CTNNA2: variants seen among roughly 807,000 people sequenced by gnomAD.
CTNNA2 encodes the protein catenin alpha 2, also known as catenin alpha-2.
In CTNNA2, 42 loss-of-function variants were observed where a neutral mutation model predicts 101.0. That is an observed-to-expected ratio of 0.42 (90% CI 0.32 to 0.54). CTNNA2 has a LOEUF of 0.54. Ranked by LOEUF, CTNNA2 falls within the 20% of genes least tolerant of loss-of-function variation. The probability of loss-of-function intolerance (pLI) is 0.14; values close to 1 mark genes in which losing one functional copy is unlikely to be tolerated. For missense variants in CTNNA2, 871 were observed against 1,223.1 expected (o/e 0.71, Z 4.29); for synonymous variants, 450 against 456.4 (o/e 0.99, Z 0.18).
chr2:80,560,986 G>A (rs937013042), intron 12 of CTNNA2, among the ~76,000 whole-genome samples: 1 of 149,498 alleles, frequency 6.7e-6, no homozygotes, highest in African/African-American at 2.5e-5. Context: ...GCAGCCTCAG[G>A]TTTGCAGCTC....
intron 9 of CTNNA2, among the ~76,000 whole-genome samples, chr2:80,462,631 C>CTTTTTTTTTTTTTTTTT (rs753815778): frequency 4.7e-4 from 45 of 94,762 alleles, no homozygotes; most frequent in African/African-American, 6.9e-4. Flanking sequence ...TTCTTTCTTT[C>CTTTTTTTTTTTTTTTTT]TTTTTTTTTT....
At chr2:79,355,384 TG>T (rs1198415200) in intron 3 of CTNNA2, among the ~76,000 whole-genome samples, 1 of 152,212 alleles carries the variant, frequency 6.6e-6, no homozygotes, top group Non-Finnish European at 1.5e-5. Flanking sequence ...CATTTGTTTG[TG>T]TCATCTACAA....
At chr2:79,742,886 C>T (rs1671388999) in intron 2 of CTNNA2, among the ~76,000 whole-genome samples, 1 of 152,172 alleles carries the variant, frequency 6.6e-6, no homozygotes, top group Non-Finnish European at 1.5e-5. Context: ...GCACTAATCA[C>T]CTCTTAAGTA....
At chr2:80,479,646 G>A (rs1312264190) in intron 9 of CTNNA2, among the ~76,000 whole-genome samples, 1 of 152,040 alleles carries the variant, frequency 6.6e-6, no homozygotes, top group Non-Finnish European at 1.5e-5. Context: ...CAGATATGGA[G>A]GAAAGCTTTC....
intron 1 of CTNNA2, among the ~76,000 whole-genome samples, chr2:79,584,163 G>A (rs189464296): frequency 5.3e-5 from 8 of 152,232 alleles, no homozygotes; most frequent in Admixed American, 1.3e-4. Context: ...CTACAAAATA[G>A]TGATGCATTC....
intron 7 of CTNNA2, among the ~76,000 whole-genome samples, chr2:80,033,875 A>G (rs985881763): frequency 3.3e-5 from 5 of 151,496 alleles, no homozygotes; most frequent in African/African-American, 1.2e-4. Context: ...TTCAGTAAAA[A>G]TTGTAGCAGT....
At position 80,499,857 on chromosome 2, in the gene CTNNA2, T is replaced by C. The variant is rs78655065; in HGVS notation, c.1291-45125T>C. ...AAATAAGATTAGCAAAATGTTGATA[T>C]TGAAACTGCAAGATGGCTACATGGG... On this transcript the variant is annotated intron_variant, in intron 9 of 18. Coordinates refer to ENST00000402739, the MANE Select transcript of CTNNA2 (RefSeq NM_001282597.3). Among the ~76,000 whole-genome samples the C allele has an allele frequency of 3.7e-3, 570 of 152,036 alleles. 3 individuals carry two copies. Among genetic ancestry groups the C allele is most frequent in the African/African-American group, 0.013 (524 of 41,448 alleles).
At chr2:79,327,483 G>A (rs1452564286) in intron 3 of CTNNA2, among the ~76,000 whole-genome samples, 1 of 152,130 alleles carries the variant, frequency 6.6e-6, no homozygotes. Flanking sequence ...GTGAGACTAA[G>A]GCTATTGAAA....
At chr2:79,267,352 A>G (rs772981408) in intron 2 of CTNNA2, among the ~76,000 whole-genome samples, 6 of 151,574 alleles carry the variant, frequency 4.0e-5, no homozygotes, top group Non-Finnish European at 7.4e-5. Flanking sequence ...AGGACATGCT[A>G]TCTGGTTCAT....
intron 1 of CTNNA2, among the ~76,000 whole-genome samples, chr2:79,534,238 C>A (rs1317651813): frequency 1.3e-5 from 2 of 151,978 alleles, no homozygotes; most frequent in Non-Finnish European, 2.9e-5. Context: ...TTTATGGCTA[C>A]ATTTTATTAC....
intron 7 of CTNNA2, among the ~76,000 whole-genome samples, chr2:79,973,849 A>G (rs1275374105): frequency 3.3e-5 from 5 of 152,226 alleles, no homozygotes; most frequent in Admixed American, 6.5e-5. Flanking sequence ...TTGTGTCTTC[A>G]CAGAAGTACC....
intron 3 of CTNNA2, among the ~76,000 whole-genome samples, chr2:79,327,771 C>A (rs1297725465): frequency 2.6e-5 from 4 of 152,182 alleles, no homozygotes; most frequent in African/African-American, 9.7e-5. Context: ...TTTTCTCCTG[C>A]TAATATGTGC....
chr2:80,091,268 A>G lies in CTNNA2; in HGVS notation c.1056+181471A>G, dbSNP rs187856712. Among the ~76,000 whole-genome samples the G allele has an allele frequency of 3.7e-4, 56 of 152,208 alleles. No individual in the cohort carries two copies. In the East Asian group the frequency reaches 0.01, roughly 28 times the overall value. Reference sequence around the variant, plus strand: ...GAGCTACAATTTATCAATAGGACTCATTACTATTCGACTTGTTTTCTAGCC... The same window carrying G: ...GAGCTACAATTTATCAATAGGACTCGTTACTATTCGACTTGTTTTCTAGCC... On this transcript the variant is annotated intron_variant, in intron 7 of 18. Transcript: ENST00000402739.
At chr2:79,792,934 C>A (rs1262059364) in intron 3 of CTNNA2, among the ~76,000 whole-genome samples, 1 of 152,178 alleles carries the variant, frequency 6.6e-6, no homozygotes, top group Non-Finnish European at 1.5e-5. Context: ...ATTACATAAT[C>A]CAAATTCATT....
intron 1 of CTNNA2, among the ~76,000 whole-genome samples, chr2:79,576,239 T>C (rs1409371616): frequency 6.6e-6 from 1 of 152,212 alleles, no homozygotes; most frequent in Admixed American, 6.6e-5. Context: ...CTAGCTGTGT[T>C]TGCTCTGTTA....
At chr2:79,587,501 C>T (rs1377335123) in intron 1 of CTNNA2, among the ~76,000 whole-genome samples, 1 of 152,166 alleles carries the variant, frequency 6.6e-6, no homozygotes, top group African/African-American at 2.4e-5. Context: ...CCTTCCTCAT[C>T]CCTTTCCTGG....
At chr2:79,997,126 C>G (rs753739525) in intron 7 of CTNNA2, among the ~76,000 whole-genome samples, 1 of 152,126 alleles carries the variant, frequency 6.6e-6, no homozygotes, top group Non-Finnish European at 1.5e-5. Flanking sequence ...TTGAAAGGCA[C>G]CAAAACCCCC....
intron 14 of CTNNA2, among the ~76,000 whole-genome samples, chr2:80,582,124 A>T (rs184831954): frequency 1.8e-4 from 27 of 152,226 alleles, no homozygotes; most frequent in Admixed American, 1.5e-3. Flanking sequence ...TGATAGACTG[A>T]TAGGGGACAC....
At chr2:79,285,117 C>G (rs1675527888) in intron 2 of CTNNA2, among the ~76,000 whole-genome samples, 1 of 151,464 alleles carries the variant, frequency 6.6e-6, no homozygotes, top group Non-Finnish European at 1.5e-5. Context: ...TCCCCTTTAT[C>G]ATTTTTTATT....
Sources: gnomAD v4.1 joint callset for allele counts (sites outside exome capture counted in the v4.1 genomes callset) on GRCh38, gnomAD v4.1.1 for gene constraint, MANE v1.5 for transcripts, NCBI Gene and HGNC (gene_info 2026-07-23, HGNC 2026-07-21) for gene names.